RGS21: variants seen among roughly 807,000 people sequenced by gnomAD.
The protein encoded by RGS21 is regulator of G protein signaling 21.
In RGS21, 19 loss-of-function variants were observed where a neutral mutation model predicts 18.7. The observed-to-expected ratio is 1.01, with a 90% CI of 0.71 to 1.49. The LOEUF (loss-of-function observed/expected upper bound fraction) is 1.49. Ranked by LOEUF, RGS21 falls within the 40% of genes most tolerant of loss-of-function variation. The pLI, the probability that RGS21 is intolerant of heterozygous loss-of-function variation, is 0.00. For synonymous variants in RGS21, 56 were observed against 57.8 expected (o/e 0.97, Z 0.14); for missense variants, 194 against 176.8 (o/e 1.10, Z -0.55).
chr1:192,328,146 G>C (rs1030029941), intron 1 of RGS21, among the ~76,000 whole-genome samples: 1 of 152,166 alleles, frequency 6.6e-6, no homozygotes, highest in African/African-American at 2.4e-5. Context: ...CTCTGTCATG[G>C]ACACACGTGA....
rs1207631666 is a variant in RGS21, at chr1:192,365,507, T to C, written c.256-414T>C. Among the ~76,000 whole-genome samples, 4 of 151,932 alleles carry C rather than the reference T, an allele frequency of 2.6e-5. No homozygotes were observed. In the East Asian group the frequency reaches 7.7e-4, roughly 29 times the overall value. On this transcript the variant is annotated intron_variant, in intron 4 of 4. Coordinates refer to ENST00000417209, the MANE Select transcript of RGS21 (RefSeq NM_001039152.3). ...CAGTGTTGTGAGGAACAAAGGAAAA[T>C]ATGGAGAATGGGAATGAGTTGGTAT... is the stretch of plus-strand genomic sequence containing the variant.
At position 192,336,446 on chromosome 1, in the gene RGS21, C is replaced by T. The variant is rs147234364; in HGVS notation, c.-60-6531C>T. Among the ~76,000 whole-genome samples, 544 of 147,288 alleles carry T rather than the reference C, an allele frequency of 3.7e-3. 3 individuals carry two copies. Among genetic ancestry groups the T allele is most frequent in the African/African-American group, 0.013 (512 of 40,032 alleles). On this transcript the variant is annotated intron_variant, in intron 1 of 4. Coordinates refer to ENST00000417209, the MANE Select transcript of RGS21 (RefSeq NM_001039152.3). Reference sequence around the variant, plus strand: ...CTCAGCATGGGCAACAAGACTGAAACCCCATCTAAAAAATAAATAAATAAA... The same window carrying T: ...CTCAGCATGGGCAACAAGACTGAAATCCCATCTAAAAAATAAATAAATAAA...
intron 1 of RGS21, among the ~76,000 whole-genome samples, chr1:192,336,249 G>A (rs1187808454): frequency 6.6e-6 from 1 of 152,142 alleles, no homozygotes; most frequent in East Asian, 1.9e-4. Context: ...GAGGTCAGGA[G>A]ATCGAGACCA....
chr1:192,366,854 C>G lies in RGS21; in HGVS notation c.*730C>G, dbSNP rs990302836. 2.0e-5 allele frequency: 3 copies of G among 151,882 alleles called. No homozygotes were observed. Among genetic ancestry groups the G allele is most frequent in the African/African-American group, 7.2e-5 (3 of 41,382 alleles). The allele number at this position is 151,882 out of a possible 1,614,324, so 9.4% of individuals were successfully genotyped here. ...GGAAGACTAAGGAGCATAGATAAAT[C>G]CTTATAAGATGAAGTATATAGCAAG... On this transcript the variant is annotated 3_prime_UTR_variant, in exon 5 of 5. Coordinates refer to ENST00000417209, the MANE Select transcript of RGS21 (RefSeq NM_001039152.3).
intron 1 of RGS21, among the ~76,000 whole-genome samples, chr1:192,319,656 T>C (rs937804227): frequency 1.3e-5 from 2 of 152,254 alleles, no homozygotes; most frequent in South Asian, 2.1e-4. Context: ...CTGCCAGTTA[T>C]CAATTGTGAT....
intron 2 of RGS21, among the ~76,000 whole-genome samples, chr1:192,343,615 A>G (rs1430285491): frequency 6.6e-6 from 1 of 152,116 alleles, no homozygotes; most frequent in Non-Finnish European, 1.5e-5. Flanking sequence ...TTCTCTGGAC[A>G]TATAATATGG....
At chr1:192,322,070 C>T (rs1349749010) in intron 1 of RGS21, among the ~76,000 whole-genome samples, 1 of 152,076 alleles carries the variant, frequency 6.6e-6, no homozygotes, top group Non-Finnish European at 1.5e-5. Flanking sequence ...ATCTAATATC[C>T]TGCCCCTTGC....
intron 1 of RGS21, among the ~76,000 whole-genome samples, chr1:192,329,707 T>TA (rs1220549447): frequency 2.0e-5 from 3 of 152,054 alleles, no homozygotes; most frequent in Non-Finnish European, 4.4e-5. Flanking sequence ...GCTATAATCT[T>TA]ACTGCCTCAG....
intron 4 of RGS21, among the ~76,000 whole-genome samples, chr1:192,360,106 C>T (rs1469396809): frequency 6.6e-6 from 1 of 151,996 alleles, no homozygotes; most frequent in Non-Finnish European, 1.5e-5. Flanking sequence ...TCTGCTTCCA[C>T]TCACTCTCCT....
intron 2 of RGS21, among the ~76,000 whole-genome samples, chr1:192,346,650 C>T (rs535333287): frequency 6.6e-6 from 1 of 152,040 alleles, no homozygotes; most frequent in African/African-American, 2.4e-5. Context: ...CCAAAAGTAA[C>T]CTTCTTCAGA....
chr1:192,324,700 G>T (rs1369375355), intron 1 of RGS21, among the ~76,000 whole-genome samples: 1 of 151,696 alleles, frequency 6.6e-6, no homozygotes, highest in Non-Finnish European at 1.5e-5. Flanking sequence ...TAAAATTTTG[G>T]CATTCAAAAA....
chr1:192,361,411 T>G (rs1659185980), intron 4 of RGS21, among the ~76,000 whole-genome samples: 1 of 152,106 alleles, frequency 6.6e-6, no homozygotes, highest in Admixed American at 6.6e-5. Context: ...GATAGTAAAT[T>G]AAAGACAGCT....
chr1:192,347,712 T>G (rs540554338), intron 3 of RGS21, among the ~76,000 whole-genome samples: 6 of 152,114 alleles, frequency 3.9e-5, no homozygotes, highest in Non-Finnish European at 8.8e-5. Flanking sequence ...CAGGCTGGAG[T>G]GCAGTGGCAT....
chr1:192,367,284 A>T lies in RGS21; in HGVS notation c.*1160A>T, dbSNP rs1474713522. ...AGAAATAAACATTTAAACATATTCA[A>T]ATGGAATATTCCCTGTACATTTGCA... is the stretch of plus-strand genomic sequence containing the variant. On this transcript the variant is annotated 3_prime_UTR_variant, in exon 5 of 5. Transcript: ENST00000417209. 1.3e-5 allele frequency: 2 copies of T among 152,080 alleles called. No homozygotes were observed. The highest frequency in any genetic ancestry group is 2.4e-5 in the African/African-American group (1 of 41,450). The allele number at this position is 152,080 out of a possible 1,614,324, so 9.4% of individuals were successfully genotyped here.
intron 1 of RGS21, among the ~76,000 whole-genome samples, chr1:192,318,568 T>G (rs981854860): frequency 6.6e-6 from 1 of 152,118 alleles, no homozygotes; most frequent in Non-Finnish European, 1.5e-5. Context: ...GAATGTCGTA[T>G]CTAAAGGAGA....
rs543693767 is a variant in RGS21, at chr1:192,318,008, ACCATG to A, written c.-61+906_-61+910del. Among the ~76,000 whole-genome samples, 446 of 152,190 alleles carry A rather than the reference ACCATG, an allele frequency of 2.9e-3. 2 individuals are homozygous for A. Among genetic ancestry groups the A allele is most frequent in the African/African-American group, 9.9e-3 (413 of 41,534 alleles). On this transcript the variant is annotated intron_variant, in intron 1 of 4. Transcript: ENST00000417209. Reference sequence around the variant, plus strand: ...TATGTATAACATATTAGTGGTTTGTACCATGCCCTAAAACTTATGACACCAAATGC... The same window carrying A: ...TATGTATAACATATTAGTGGTTTGTACCCTAAAACTTATGACACCAAATGC...
At chr1:192,333,382 C>T (rs1229190218) in intron 1 of RGS21, among the ~76,000 whole-genome samples, 3 of 151,854 alleles carry the variant, frequency 2.0e-5, no homozygotes, top group African/African-American at 7.3e-5. Flanking sequence ...AACACCTACA[C>T]TATTCATAGC....
chr1:192,335,788 A>T (rs2102226972), intron 1 of RGS21, among the ~76,000 whole-genome samples: 1 of 152,314 alleles, frequency 6.6e-6, no homozygotes, highest in Non-Finnish European at 1.5e-5. Flanking sequence ...AATTCCAAGT[A>T]GAAGAAATTT....
At chr1:192,363,269 C>G (rs1199743173) in intron 4 of RGS21, among the ~76,000 whole-genome samples, 1 of 151,988 alleles carries the variant, frequency 6.6e-6, no homozygotes, top group African/African-American at 2.4e-5. Flanking sequence ...TCAGTTACAA[C>G]AACAACAATA....
Sources: allele counts gnomAD v4.1 joint callset (sites outside exome capture counted in the v4.1 genomes callset), GRCh38; gene constraint gnomAD v4.1.1; transcripts MANE v1.5; gene names NCBI Gene and HGNC (gene_info 2026-07-23, HGNC 2026-07-21).